Variants in KDM2B observed in about 807,000 individuals in gnomAD.
KDM2B encodes lysine-specific demethylase 2B.
KDM2B carries 26 observed loss-of-function variants against 150.0 expected under a neutral mutation model. That is an observed-to-expected ratio of 0.17 (90% CI 0.13 to 0.24). The LOEUF is 0.24. KDM2B is among the 10% of genes least tolerant of loss of function. KDM2B has a pLI of 1.00. For synonymous variants in KDM2B, 734 were observed against 729.5 expected (o/e 1.01, Z -0.10); for missense variants, 1,265 against 1,816.9 (o/e 0.70, Z 5.52).
chr12:121,544,181 T>C (rs956129367), intron 6 of KDM2B, among the ~76,000 whole-genome samples: 2 of 148,576 alleles, frequency 1.3e-5, no homozygotes, highest in Non-Finnish European at 3.0e-5. Flanking sequence ...GAGGCTGATG[T>C]AGGAGGATCA....
At chr12:121,578,661 CAGT>C in intron 2 of KDM2B, 138 bp downstream of exon 2, 3 of 328,568 alleles carry the variant, frequency 9.1e-6, no homozygotes, top group Non-Finnish European at 1.6e-5. Flanking sequence ...CCCACCCCCC[CAGT>C]GCTCGGCCTC....
chr12:121,484,294 T>G (rs1818483304), intron 12 of KDM2B, among the ~76,000 whole-genome samples: 1 of 150,890 alleles, frequency 6.6e-6, no homozygotes, highest in African/African-American at 2.4e-5. Context: ...GGGAACTGGG[T>G]TGGGGCTGGC....
intron 12 of KDM2B, among the ~76,000 whole-genome samples, chr12:121,480,645 C>G (rs1463884653): frequency 2.7e-5 from 4 of 149,802 alleles, no homozygotes; most frequent in Non-Finnish European, 5.9e-5. Context: ...GTGGTGCACA[C>G]CTGTAGTCCC....
chr12:121,556,022 G>A (rs1239610628), intron 4 of KDM2B, among the ~76,000 whole-genome samples: 1 of 151,912 alleles, frequency 6.6e-6, no homozygotes, highest in Non-Finnish European at 1.5e-5. Context: ...TGCCTCCCAA[G>A]TTCAAGAGAT....
At chr12:121,413,223 C>T in the KDM2B span, among the ~76,000 whole-genome samples, 6 of 151,898 alleles carry the variant, frequency 4.0e-5, no homozygotes, top group Admixed American at 1.3e-4. Context: ...GACGGCGTTT[C>T]GCCATGTTGT....
chr12:121,555,788 A>G (rs1040775476), intron 4 of KDM2B, among the ~76,000 whole-genome samples: 2 of 152,182 alleles, frequency 1.3e-5, no homozygotes, highest in Non-Finnish European at 1.5e-5. Flanking sequence ...CCAATGTTAG[A>G]GGTAGGAATT....
At position 121,513,182 on chromosome 12, in the gene KDM2B, C is replaced by T; in HGVS notation, c.1174+94G>A. ...CCCAATACACTGATTCAACGAATCC[C>T]CAAAACTCAGGGAGTGTCTCCAGGC... On this transcript the variant is annotated intron_variant, in intron 10 of 22. Coordinates refer to ENST00000377071, the MANE Select transcript of KDM2B (RefSeq NM_032590.5). The surrounding 1 kb of genome is among the most constrained non-coding windows in gnomAD (Gnocchi z 5.0). The T allele has an allele frequency of 2.0e-6, 3 of 1,466,282 alleles. No homozygotes were observed. The highest frequency in any genetic ancestry group is 1.2e-5 in the South Asian group (1 of 82,596). The allele number at this position is 1,466,282 out of a possible 1,614,324, so 90.8% of individuals were successfully genotyped here. A position where few individuals can be genotyped will look rare whatever the true frequency, so the allele number is the denominator to read the frequency against.
At chr12:121,456,914 G>A (rs1420944046) in intron 12 of KDM2B, among the ~76,000 whole-genome samples, 3 of 152,286 alleles carry the variant, frequency 2.0e-5, no homozygotes, top group African/African-American at 4.8e-5. Flanking sequence ...CTGTCTAGCC[G>A]CTGCCAAATC....
chr12:121,523,208 G>A (rs912175320), intron 8 of KDM2B, among the ~76,000 whole-genome samples: 3 of 152,244 alleles, frequency 2.0e-5, no homozygotes, highest in Admixed American at 6.5e-5. Context: ...CACAGCTGCC[G>A]CTGCATCAAA....
intron 6 of KDM2B, chr12:121,534,799 C>G (rs1456746201): frequency 3.7e-6 from 2 of 535,868 alleles, no homozygotes; most frequent in Non-Finnish European, 6.6e-6. Context: ...AAGCACTGGT[C>G]GCCTACCTAC....
rs1022664840 is a variant in KDM2B, at chr12:121,518,467, C to T, written c.1047+2518G>A. On this transcript the variant is annotated intron_variant, in intron 9 of 22. Coordinates refer to ENST00000377071, the MANE Select transcript of KDM2B (RefSeq NM_032590.5). The surrounding 1 kb of genome is among the most constrained non-coding windows in gnomAD (Gnocchi z 4.4). ...CCAAGCCCCCGCTGCCAGCCTGCTT[C>T]GGTGAAACCAGATGGGGTGCCCACT... Among the ~76,000 whole-genome samples the T allele has an allele frequency of 7.2e-5, 11 of 152,296 alleles. No individual in the cohort carries two copies. The highest frequency in any genetic ancestry group is 2.6e-4 in the Admixed American group (4 of 15,296).
chr12:121,558,667 A>G (rs1441364011), intron 4 of KDM2B, among the ~76,000 whole-genome samples: 2 of 151,896 alleles, frequency 1.3e-5, no homozygotes, highest in African/African-American at 2.4e-5. Flanking sequence ...GTTGGCCAAG[A>G]TGGTCTCAAA....
At chr12:121,523,845 G>A (rs782659484) in intron 8 of KDM2B, among the ~76,000 whole-genome samples, 6 of 152,186 alleles carry the variant, frequency 3.9e-5, no homozygotes, top group East Asian at 1.9e-4. Context: ...TGCTCTGTGC[G>A]GTTGCAAGCG....
At chr12:121,507,812 ACCAG>A (rs142659320) in intron 11 of KDM2B, among the ~76,000 whole-genome samples, 3,407 of 152,122 alleles carry the variant, frequency 0.022, 135 homozygotes, top group African/African-American at 0.078. Context: ...GTAGTTTGAG[ACCAG>A]CCTGGGCAAT....
chr12:121,478,361 C>CT (rs34310054), intron 12 of KDM2B, among the ~76,000 whole-genome samples: 87,916 of 136,990 alleles, frequency 0.64, 29,499 homozygotes, highest in African/African-American at 0.87. Context: ...CAAGTAGATC[C>CT]TTTTTTTTTT....
intron 22 of KDM2B, among the ~76,000 whole-genome samples, chr12:121,431,536 C>A (rs561479712): frequency 6.6e-6 from 1 of 152,046 alleles, no homozygotes; most frequent in East Asian, 1.9e-4. Flanking sequence ...AATAAAAATA[C>A]GAAGGGCAAA....
At chr12:121,443,606 GC>G in intron 17 of KDM2B, 73 bp downstream of exon 17, 1 of 852,024 alleles carries the variant, frequency 1.2e-6, no homozygotes, top group South Asian at 1.3e-5. Flanking sequence ...TGGAGGACCA[GC>G]GGGGTGGGGT....
At chr12:121,474,503 A>G (rs1223384537) in intron 12 of KDM2B, among the ~76,000 whole-genome samples, 1 of 152,170 alleles carries the variant, frequency 6.6e-6, no homozygotes, top group African/African-American at 2.4e-5. Context: ...GCAACAGAGC[A>G]AGACTCCATC....
chr12:121,486,056 C>T (rs1228019794), intron 12 of KDM2B, among the ~76,000 whole-genome samples: 5 of 151,674 alleles, frequency 3.3e-5, no homozygotes, highest in Non-Finnish European at 7.4e-5. Context: ...GAATTACAGG[C>T]GTGAGCCACC....
Sources: allele counts gnomAD v4.1 joint callset (sites outside exome capture counted in the v4.1 genomes callset), GRCh38; gene constraint gnomAD v4.1.1; non-coding constraint Gnocchi (gnomAD v3.1); transcripts MANE v1.5; gene names NCBI Gene and HGNC (gene_info 2026-07-23, HGNC 2026-07-21).